CSPG4: variants seen among roughly 807,000 people sequenced by gnomAD.
CSPG4 encodes the protein chondroitin sulfate proteoglycan 4, also known as chondroitin sulfate proteoglycan 4 (melanoma-associated).
Under a neutral mutation model 139.3 loss-of-function variants are expected in CSPG4, and 74 were observed. The ratio of observed to expected loss-of-function variants is 0.53; its 90% confidence interval spans 0.44 to 0.64. The LOEUF (loss-of-function observed/expected upper bound fraction) is 0.64, where lower values mean the gene tolerates loss of function less well. CSPG4 is among the 30% of genes least tolerant of loss of function. The probability of loss-of-function intolerance (pLI) is 0.00; values close to 1 mark genes in which losing one functional copy is unlikely to be tolerated. For missense variants in CSPG4, 2,565 were observed against 3,148.3 expected (o/e 0.81, Z 4.43); for synonymous variants, 1,234 against 1,394.2 (o/e 0.89, Z 2.56).
rs1893887993 is a variant in CSPG4, at chr15:75,676,161, C to T, written c.6358G>A (p.Asp2120Asn). 3 of 1,548,482 alleles carry T rather than the reference C, an allele frequency of 1.9e-6. No individual in the cohort carries two copies. The highest frequency in any genetic ancestry group is 1.7e-6 in the Non-Finnish European group (2 of 1,153,616). The change falls in exon 10 of 10, where the codon GAC becomes AAC. Residue 2120 changes from aspartate (D) to asparagine (N), a missense_variant. Physicochemically the swap from Asp to Asn is conservative, Grantham distance 23. Coordinates refer to ENST00000308508, the MANE Select transcript of CSPG4 (RefSeq NM_001897.5). ...CCCACCTCCAGCCCCAGCCTCCCGTCCTCAAGGTCCTGCTGAGTGAACTGC... is the reference window on the plus strand; with the variant it reads ...CCCACCTCCAGCCCCAGCCTCCCGTTCTCAAGGTCCTGCTGAGTGAACTGC... ...VEQFTQQDLE[D>N]GRLGLEVGRP... is the part of the protein sequence containing the mutation.
In CSPG4 at chr15:75,688,307, C is replaced by T; in HGVS notation, c.2758G>A (p.Asp920Asn). The T allele has an allele frequency of 6.2e-7, 1 of 1,613,186 alleles. No homozygotes were observed. Among genetic ancestry groups the T allele is most frequent in the Non-Finnish European group, 8.5e-7 (1 of 1,180,036 alleles). The stretch of plus-strand genomic sequence containing the variant: ...TTGAGACTCTTGACAAAGAGGTGGT[C>T]AGCAGAGAGGACACCCTCACCACCC... ...PEGGEGVLSA[D>N]HLFVKSLNSA... Residue 920 changes from aspartate (D) to asparagine (N), a missense_variant, in exon 3 of 10, where the codon GAC becomes AAC. By Grantham distance (23) the Asp-to-Asn change is conservative. Coordinates refer to ENST00000308508, the MANE Select transcript of CSPG4 (RefSeq NM_001897.5).
At chr15:75,683,431 T>C (rs1894007340) in intron 5 of CSPG4, among the ~76,000 whole-genome samples, 3 of 152,172 alleles carry the variant, frequency 2.0e-5, no homozygotes, top group South Asian at 2.1e-4. Flanking sequence ...AGGGGTCTCC[T>C]TTCAGAGCCT....
Position 75,690,048 on chromosome 15 carries a change from G to A in CSPG4, c.1017C>T (p.Arg339=), listed in dbSNP as rs1403027217. The change falls in exon 3 of 10, where the codon CGC becomes CGT. Residue 339 remains arginine, a synonymous_variant. Coordinates refer to ENST00000308508, the MANE Select transcript of CSPG4 (RefSeq NM_001897.5). ...AEASRHLQEH[R]LGLTPEATNA... ...TGGTGGCCTCTGGTGTCAGGCCCAG[G>A]CGGTGTTCCTGGAGGTGACGAGAGG... The A allele has an allele frequency of 1.2e-6, 2 of 1,611,846 alleles. No individual in the cohort carries two copies. The highest frequency in any genetic ancestry group is 1.1e-5 in the South Asian group (1 of 90,758).
intron 1 of CSPG4, among the ~76,000 whole-genome samples, chr15:75,705,859 G>T (rs1200244755): frequency 6.6e-6 from 1 of 152,114 alleles, no homozygotes; most frequent in Non-Finnish European, 1.5e-5. Flanking sequence ...GTCTGTATGT[G>T]TCTGTGTGCA....
At chr15:75,691,661 G>C (rs761724732) in intron 2 of CSPG4, among the ~76,000 whole-genome samples, 48 of 152,138 alleles carry the variant, frequency 3.2e-4, no homozygotes, top group Non-Finnish European at 6.6e-4. Context: ...CCCTGACCTG[G>C]GGTGGAAGGA....
In CSPG4 at chr15:75,685,732, G is replaced by A. The variant is rs753878650; in HGVS notation, c.3790-31C>T. 3 of 1,559,046 alleles carry A rather than the reference G, an allele frequency of 1.9e-6. No homozygotes were observed. The South Asian group carries it at 3.6e-5, about 19-fold the overall frequency. On this transcript the variant is annotated intron_variant, in intron 3 of 9. Transcript: ENST00000308508. ...TAACAGAGGTCACAAGGACTCACAG[G>A]GGGCCACAGAGGGGGTCTCAGAGGG...
chr15:75,701,519 T>C (rs1894300828), intron 1 of CSPG4, among the ~76,000 whole-genome samples: 1 of 152,038 alleles, frequency 6.6e-6, no homozygotes, highest in African/African-American at 2.4e-5. Context: ...CAGGCCTGAC[T>C]CCTCCTGGAA....
Position 75,684,895 on chromosome 15 carries a change from G to A in CSPG4, c.4290C>T (p.Ile1430=). The A allele has an allele frequency of 1.9e-6, 3 of 1,609,542 alleles. No individual in the cohort carries two copies. Among genetic ancestry groups the A allele is most frequent in the South Asian group, 2.2e-5 (2 of 91,000 alleles). The change falls in exon 5 of 10, where the codon ATC becomes ATT. Residue 1430 remains isoleucine, a synonymous_variant. Transcript: ENST00000308508. The stretch of plus-strand genomic sequence containing the variant: ...TCTCGCTCCCGTCATGCACGTAGCG[G>A]ATCAGCTGCTCTTCCACCTAGGGGC... ...FSWRMVEEQL[I]RYVHDGSETL...
In CSPG4 at chr15:75,674,835, C is replaced by T. The variant is rs1049042058; in HGVS notation, c.*715G>A. The T allele has an allele frequency of 1.8e-5, 7 of 398,572 alleles. No homozygotes were observed. Among genetic ancestry groups the T allele is most frequent in the Admixed American group, 4.4e-5 (1 of 22,718 alleles). The allele number at this position is 398,572 out of a possible 1,614,324, so 24.7% of individuals were successfully genotyped here. ...GCCCTGGGAATGAACTGGCTGCAGA[C>T]CCTCCTCCATCCCACACCCCCAGGG... On this transcript the variant is annotated 3_prime_UTR_variant, in exon 10 of 10. Coordinates refer to ENST00000308508, the MANE Select transcript of CSPG4 (RefSeq NM_001897.5).
In CSPG4 at chr15:75,675,346, G is replaced by C; in HGVS notation, c.*204C>G. The C allele has an allele frequency of 4.3e-6, 2 of 466,304 alleles. No homozygotes were observed. Among genetic ancestry groups the C allele is most frequent in the Non-Finnish European group, 6.9e-6 (2 of 288,196 alleles). The allele number at this position is 466,304 out of a possible 1,614,324, so 28.9% of individuals were successfully genotyped here. ...TTGGCCCCTGCAGTTCTCCAGGCTCGGAGTGAGCTGAGGGAGGTTCCAGCT... is the reference window on the plus strand; with the variant it reads ...TTGGCCCCTGCAGTTCTCCAGGCTCCGAGTGAGCTGAGGGAGGTTCCAGCT... On this transcript the variant is annotated 3_prime_UTR_variant, in exon 10 of 10. Coordinates refer to ENST00000308508, the MANE Select transcript of CSPG4 (RefSeq NM_001897.5).
chr15:75,712,907 G>A, upstream of CSPG4: 1 of 589,126 alleles, frequency 1.7e-6, no homozygotes, highest in Non-Finnish European at 2.8e-6. Context: ...GCAGACCCGC[G>A]CGCCCGCTCG....
chr15:75,685,323 G>A lies in CSPG4; in HGVS notation c.4168C>T (p.Leu1390Phe). Residue 1390 changes from leucine to phenylalanine, a missense_variant, in exon 4 of 10, where the codon CTC (leucine) becomes TTC (phenylalanine). Leu to Phe is a conservative substitution (Grantham distance 22, BLOSUM62 0). This residue lies in a region of CSPG4 where 2,316 missense variants were observed against 2,818.2 expected (regional missense o/e 0.82). Transcript: ENST00000308508. The stretch of plus-strand genomic sequence containing the variant: ...AGCACCTGCAGGCTGAGGCCCAGGA[G>A]AGTGGGGAAGTAGGGCCCGGAGACA... Reference protein sequence around the residue: ...LRVSGPYFPTLLGLSLQVLEP... With the variant: ...LRVSGPYFPTFLGLSLQVLEP... The A allele has an allele frequency of 6.2e-7, 1 of 1,605,316 alleles. No individual in the cohort carries two copies. Among genetic ancestry groups the A allele is most frequent in the Non-Finnish European group, 8.5e-7 (1 of 1,175,400 alleles).
At chr15:75,679,012 G>A in intron 8 of CSPG4, 1 of 334,938 alleles carries the variant, frequency 3.0e-6, no homozygotes, top group Non-Finnish European at 5.8e-6. Context: ...AACATCTTAT[G>A]GCCAGGTCTC....
At chr15:75,705,302 T>C (rs563823415) in intron 1 of CSPG4, among the ~76,000 whole-genome samples, 2 of 152,310 alleles carry the variant, frequency 1.3e-5, no homozygotes, top group Middle Eastern at 3.4e-3. Context: ...ACCTCTCCTT[T>C]TCCATGTCAC....
rs368042724 is a variant in CSPG4 at position 75,687,422 on chromosome 15, C to T, written c.3643G>A (p.Val1215Met). ...LSPRDTMAFS[V>M]EAGPVHTDAT... ...TCCGTGTGCACTGGCCCTGCTTCCACGGAGAAGGCCATGGTGTCGCGGGGG... is the reference window on the plus strand; with the variant it reads ...TCCGTGTGCACTGGCCCTGCTTCCATGGAGAAGGCCATGGTGTCGCGGGGG... The change falls in exon 3 of 10, where the codon GTG becomes ATG. Residue 1215 changes from valine to methionine, a missense_variant. Around this residue, in one of 5 missense-constraint regions of CSPG4, gnomAD observed 2,316 missense variants for 2,818.2 expected, o/e 0.82. Transcript: ENST00000308508. The surrounding 1 kb of genome is among the most constrained non-coding windows in gnomAD (Gnocchi z 5.4). 38 of 1,612,730 alleles carry T rather than the reference C, an allele frequency of 2.4e-5. No individual in the cohort carries two copies. The highest frequency in any genetic ancestry group is 3.1e-5 in the Non-Finnish European group (36 of 1,179,946).
At chr15:75,708,981 T>G (rs141677400) in intron 1 of CSPG4, among the ~76,000 whole-genome samples, 18 of 152,162 alleles carry the variant, frequency 1.2e-4, no homozygotes, top group Admixed American at 8.5e-4. Flanking sequence ...TTTCCTGACC[T>G]GCAGGGCTGC....
rs768747871 is a variant in CSPG4, at chr15:75,677,746, C to T, written c.5091G>A (p.Glu1697=). The change falls in exon 9 of 10, where the codon GAG becomes GAA. Residue 1697 remains glutamate, a synonymous_variant. Transcript: ENST00000308508. ...AATLAVAVSF[E]AACPQRPSHL... ...GGCTGGGGCGCTGGGGACAGGCAGCCTCAAAAGACACAGCCACAGCAAGGG... is the reference window on the plus strand; with the variant it reads ...GGCTGGGGCGCTGGGGACAGGCAGCTTCAAAAGACACAGCCACAGCAAGGG... 2.5e-6 allele frequency: 4 copies of T among 1,609,856 alleles called. No homozygotes were observed. The highest frequency in any genetic ancestry group is 3.4e-6 in the Non-Finnish European group (4 of 1,178,332).
intron 1 of CSPG4, among the ~76,000 whole-genome samples, chr15:75,700,989 A>G (rs1043860210): frequency 6.6e-6 from 1 of 152,142 alleles, no homozygotes; most frequent in Admixed American, 6.6e-5. Context: ...TCACACCCCC[A>G]GCACACACAC....
chr15:75,686,708 G>A (rs1332747425), intron 3 of CSPG4, among the ~76,000 whole-genome samples: 2 of 152,124 alleles, frequency 1.3e-5, no homozygotes, highest in East Asian at 1.9e-4. Flanking sequence ...AAGGGTCTCC[G>A]AAATGAGCAG....
Sources: allele counts gnomAD v4.1 joint callset (sites outside exome capture counted in the v4.1 genomes callset), GRCh38; gene constraint gnomAD v4.1.1; regional missense constraint gnomAD v4.1.1; non-coding constraint Gnocchi (gnomAD v3.1); transcripts MANE v1.5; gene names NCBI Gene and HGNC (gene_info 2026-07-23, HGNC 2026-07-21).